Variants in INF2 observed in about 807,000 individuals in gnomAD.
INF2 encodes inverted formin 2, also known as inverted formin-2.
A neutral mutation model predicts 123.5 loss-of-function variants in INF2; 43 were observed. The ratio of observed to expected loss-of-function variants is 0.35; its 90% CI spans 0.27 to 0.45. The LOEUF is 0.45. INF2 is among the 20% of genes least tolerant of loss of function. The probability of loss-of-function intolerance (pLI) is 1.00; values close to 1 mark genes in which losing one functional copy is unlikely to be tolerated. For synonymous variants in INF2, 851 were observed against 745.0 expected, an observed-to-expected ratio of 1.14 and a Z score of -2.32; for missense variants, 1,453 against 1,682.7, an observed-to-expected ratio of 0.86 and a Z score of 2.39.
intron 20 of INF2, among the ~76,000 whole-genome samples, 193 bp from the exon 21 acceptor site, chr14:104,714,010 G>A (rs1890174468): frequency 6.6e-6 from 1 of 152,218 alleles, no homozygotes; most frequent in Admixed American, 6.5e-5. Context: ...GCATGGCCCA[G>A]TGTCCCCCAC....
intron 22 of INF2, chr14:104,717,566 AT>A (rs1309505669): frequency 6.6e-6 from 1 of 152,248 alleles, no homozygotes; most frequent in Non-Finnish European, 1.5e-5. Flanking sequence ...GTTCTAGAAC[AT>A]TCCTGCCCCT....
At chr14:104,687,914 C>T (rs1888711800), upstream of INF2, among the ~76,000 whole-genome samples, 2 of 152,368 alleles carry the variant, frequency 1.3e-5, no homozygotes, top group Admixed American at 1.3e-4. This position sits in a 1 kb window ranked among gnomAD's most constrained non-coding sequence, Gnocchi z 5.6. Context: ...CTGCCCAGCA[C>T]CGCTGCCAGG....
At chr14:104,711,776 C>T (rs1890058880) in intron 16 of INF2, 77 bp downstream of exon 16, 2 of 1,374,860 alleles carry the variant, frequency 1.5e-6, no homozygotes, top group South Asian at 1.2e-5. Flanking sequence ...GAGGTGGCTG[C>T]CCGCCAGGGC....
In INF2 at chr14:104,719,075, T is replaced by A; in HGVS notation, c.*282T>A. On this transcript the variant is annotated 3_prime_UTR_variant, in exon 23 of 23. Transcript: ENST00000392634. ...AAGGCAACCCTGGCCCACACCCGCA[T>A]GCGCCCGGTGCAGCCTGCCAAGGGC... is the stretch of plus-strand genomic sequence containing the variant. 1.7e-6 allele frequency: 1 copy of A among 597,736 alleles called. No individual in the cohort carries two copies. Among genetic ancestry groups the A allele is most frequent in the Non-Finnish European group, 2.7e-6 (1 of 366,818 alleles). 37.0% of individuals were successfully genotyped at this position (597,736 alleles called of 1,614,324 possible).
intron 1 of INF2, among the ~76,000 whole-genome samples, chr14:104,693,957 C>T (rs1409187531): frequency 6.6e-6 from 1 of 152,210 alleles, no homozygotes; most frequent in Non-Finnish European, 1.5e-5. Flanking sequence ...AGCCACCTGT[C>T]CCCACCTGCC....
At position 104,703,453 on chromosome 14, in the gene INF2, C is replaced by T. The variant is rs769345290; in HGVS notation, c.666C>T (p.Ile222=). 3.7e-6 allele frequency: 6 copies of T among 1,611,562 alleles called. No individual in the cohort carries two copies. Among genetic ancestry groups the T allele is most frequent in the East Asian group, 2.2e-5 (1 of 44,894 alleles). The change falls in exon 4 of 23, where the codon ATC becomes ATT. Residue 222 remains isoleucine, a splice_region_variant and synonymous_variant. Transcript: ENST00000392634. ...RARTQLRNEF[I]GLQLLDVLAR... ...GCACCCAGCTGCGGAACGAGTTTATCGGTAAGCACCTGCCCTGGGCCGCAT... is the reference window on the plus strand; with the variant it reads ...GCACCCAGCTGCGGAACGAGTTTATTGGTAAGCACCTGCCCTGGGCCGCAT...
intron 8 of INF2, 147 bp downstream of exon 8, chr14:104,708,149 G>C: frequency 7.6e-7 from 1 of 1,321,314 alleles, no homozygotes; most frequent in Non-Finnish European, 1.0e-6. Flanking sequence ...TGGGCTCGGC[G>C]CCTGTGGTTG....
At chr14:104,711,248 G>C in intron 15 of INF2, 62 bp downstream of exon 15, 1 of 1,343,662 alleles carries the variant, frequency 7.4e-7, no homozygotes, top group Non-Finnish European at 1.0e-6. Context: ...CTGGGGTGTA[G>C]AGGCGTAGAG....
Position 104,701,762 on chromosome 14 carries a change from C to A in INF2, c.391+6C>A, listed in dbSNP as rs75115369. 6 of 1,496,558 alleles carry A rather than the reference C, an allele frequency of 4.0e-6. No individual in the cohort carries two copies. In the Admixed American group the frequency reaches 1.1e-4, roughly 27 times the overall value. The allele number at this position is 1,496,558 out of a possible 1,614,324, so 92.7% of individuals were successfully genotyped here. A position where few individuals can be genotyped will look rare whatever the true frequency, so the allele number is the denominator to read the frequency against. On this transcript the variant is annotated splice_donor_region_variant and intron_variant, in intron 2 of 22. Transcript: ENST00000392634. The stretch of plus-strand genomic sequence containing the variant: ...CGTGCGCCAGCTCTCCCAGGGTGAG[C>A]CGCAGTGTGGGAGGGCCGCCCAGGC...
chr14:104,709,966 G>T, intron 12 of INF2, 122 bp from the exon 13 acceptor site: 1 of 888,400 alleles, frequency 1.1e-6, no homozygotes, highest in African/African-American at 1.6e-5. Context: ...TGTTGGATGG[G>T]GCAGGCGGTG....
chr14:104,712,812 G>A lies in INF2; in HGVS notation c.2611-16G>A, dbSNP rs772795475. The stretch of plus-strand genomic sequence containing the variant: ...CGCGGGGCTCTCACGGGACTGTCAC[G>A]TGCCCTTGCCCCCAGGCCAGCATCT... On this transcript the variant is annotated splice_polypyrimidine_tract_variant and intron_variant, in intron 17 of 22. Coordinates refer to ENST00000392634, the MANE Select transcript of INF2 (RefSeq NM_022489.4). The A allele has an allele frequency of 4.4e-6, 7 of 1,602,230 alleles. No homozygotes were observed. The highest frequency in any genetic ancestry group is 3.4e-5 in the Admixed American group (2 of 59,142).
intron 13 of INF2, among the ~76,000 whole-genome samples, 194 bp downstream of exon 13, chr14:104,710,382 GAC>G (rs1889990153): frequency 2.0e-5 from 3 of 152,000 alleles, no homozygotes; most frequent in South Asian, 4.1e-4. Flanking sequence ...TGGACGCACA[GAC>G]ACACGCATGC....
In INF2 at chr14:104,707,757, T is replaced by C; in HGVS notation, c.1490T>C (p.Leu497Ser). 1 of 1,283,086 alleles carries C rather than the reference T, an allele frequency of 7.8e-7. No homozygotes were observed. Among genetic ancestry groups the C allele is most frequent in the Non-Finnish European group, 1.1e-6 (1 of 942,612 alleles). 79.5% of individuals were successfully genotyped at this position (1,283,086 alleles called of 1,614,324 possible). A position where few individuals can be genotyped will look rare whatever the true frequency, so the allele number is the denominator to read the frequency against. Residue 497 changes from leucine to serine, a missense_variant, in exon 8 of 23, where the codon TTG becomes TCG. By Grantham distance (145) the Leu-to-Ser change is moderately radical (BLOSUM62 -2). Around this residue, in one of 8 missense-constraint regions of INF2, gnomAD observed 374 missense variants for 303.7 expected, o/e 1.23. Transcript: ENST00000392634. ...LPPPPPPLPGLGCPPPPPPLL... is the reference protein window; with the variant it reads ...LPPPPPPLPGSGCPPPPPPLL... ...CCACCACCTCCACCACTCCCGGGCT[T>C]GGGATGCCCGCCCCCACCCCCACCC...
intron 21 of INF2, 76 bp from the exon 22 acceptor site, chr14:104,715,208 C>A: frequency 2.7e-6 from 4 of 1,464,560 alleles, no homozygotes; most frequent in Non-Finnish European, 3.8e-6. Flanking sequence ...CCCGGGCCCC[C>A]CAGCCCCACC....
intron 1 of INF2, among the ~76,000 whole-genome samples, chr14:104,683,709 T>C (rs1010494061): frequency 4.0e-5 from 6 of 149,394 alleles, no homozygotes; most frequent in African/African-American, 1.5e-4. Flanking sequence ...CAAAACACAG[T>C]CCAGTGGCCA....
intron 22 of INF2, among the ~76,000 whole-genome samples, chr14:104,716,952 A>C (rs1371749478): frequency 1.3e-5 from 2 of 152,194 alleles, no homozygotes; most frequent in African/African-American, 4.8e-5. Flanking sequence ...TCGGCCTCCC[A>C]AAGTGCTGGG....
At position 104,701,439 on chromosome 14, in the gene INF2, C is replaced by G; in HGVS notation, c.74C>G (p.Pro25Arg). The change falls in exon 2 of 23, where the codon CCC (proline) becomes CGC (arginine). Residue 25 changes from proline (P) to arginine (R), a missense_variant. Around this residue, in one of 8 missense-constraint regions of INF2, gnomAD observed 43 missense variants for 44.7 expected, o/e 0.96. Coordinates refer to ENST00000392634, the MANE Select transcript of INF2 (RefSeq NM_022489.4). The part of the protein sequence containing the change: ...KEKLGPQDSD[P>R]TEANLESADP... ...AAGCTGGGGCCACAGGATTCGGACC[C>G]CACGGAGGCCAACCTGGAGAGCGCG... 1 of 1,595,452 alleles carries G rather than the reference C, an allele frequency of 6.3e-7. No homozygotes were observed. The highest frequency in any genetic ancestry group is 8.5e-7 in the Non-Finnish European group (1 of 1,170,894).
In INF2 at chr14:104,713,619, C is replaced by T. The variant is rs770337742; in HGVS notation, c.3040+13C>T. 11 of 1,610,784 alleles carry T rather than the reference C, an allele frequency of 6.8e-6. No individual in the cohort carries two copies. The highest frequency in any genetic ancestry group is 9.3e-6 in the Non-Finnish European group (11 of 1,178,702). On this transcript the variant is annotated intron_variant, in intron 20 of 22. Coordinates refer to ENST00000392634, the MANE Select transcript of INF2 (RefSeq NM_022489.4). The stretch of plus-strand genomic sequence containing the variant: ...GCCACAGAGCCTGGTAAGACCCTCT[C>T]CCACTGCCTCCTCATGGTCCCCTTG...
At chr14:104,714,898 C>T (rs376946780) in intron 21 of INF2, 42 bp downstream of exon 21, 23 of 1,478,870 alleles carry the variant, frequency 1.6e-5, no homozygotes, top group African/African-American at 9.9e-5. Flanking sequence ...CACGCCAGGG[C>T]GCTGGCACCC....
Sources: allele counts gnomAD v4.1 joint callset (sites outside exome capture counted in the v4.1 genomes callset), GRCh38; gene constraint gnomAD v4.1.1; regional missense constraint gnomAD v4.1.1; non-coding constraint Gnocchi (gnomAD v3.1); transcripts MANE v1.5; gene names NCBI Gene and HGNC (gene_info 2026-07-23, HGNC 2026-07-21).